Variants in ACAN observed in about 807,000 individuals in gnomAD.
ACAN encodes aggrecan core protein.
ACAN carries 47 observed loss-of-function variants against 169.1 expected under a neutral mutation model. The observed-to-expected ratio is 0.28, with a 90% CI of 0.22 to 0.35. The LOEUF (loss-of-function observed/expected upper bound fraction) is 0.35, where lower values mean the gene tolerates loss of function less well. Among genes scored for constraint, ACAN ranks in the 10% least tolerant of loss-of-function variants. The pLI is 1.00. For missense variants in ACAN, 2,716 were observed against 2,759.9 expected (o/e 0.98, Z 0.36); for synonymous variants, 1,115 against 1,112.2 (o/e 1.00, Z -0.05).
At position 88,873,627 on chromosome 15, in the gene ACAN, C is replaced by T. The variant is rs908611859; in HGVS notation, c.7448-215C>T. 3.8e-5 allele frequency: 22 copies of T among 584,798 alleles called. No individual in the cohort carries two copies. The highest frequency in any genetic ancestry group is 9.0e-5 in the Admixed American group (3 of 33,490). The allele number at this position is 584,798 out of a possible 1,614,324, so 36.2% of individuals were successfully genotyped here. On this transcript the variant is annotated intron_variant, in intron 17 of 18. Transcript: ENST00000560601. The surrounding 1 kb of genome is among the most constrained non-coding windows in gnomAD (Gnocchi z 7.5). ...CATCTTCTCTTCATCCCTTTAAAGA[C>T]CACCCCGTTTGTATTCCCTTCCTGC... is the stretch of plus-strand genomic sequence containing the variant.
In ACAN at chr15:88,851,765, C is replaced by G; in HGVS notation, c.2027-29C>G. The G allele has an allele frequency of 1.9e-6, 3 of 1,540,802 alleles. No homozygotes were observed. Among genetic ancestry groups the G allele is most frequent in the Non-Finnish European group, 2.6e-6 (3 of 1,141,728 alleles). ...GGACGGGTCACTGGTAAGAGAGGGA[C>G]TCACTCTGACCACCCACATCTCCTT... On this transcript the variant is annotated intron_variant, in intron 10 of 18. Coordinates refer to ENST00000560601, the MANE Select transcript of ACAN (RefSeq NM_001369268.1). This position sits in a 1 kb window ranked among gnomAD's most constrained non-coding sequence, Gnocchi z 4.3.
At chr15:88,827,351 G>A (rs1459925833) in intron 1 of ACAN, among the ~76,000 whole-genome samples, 4 of 152,222 alleles carry the variant, frequency 2.6e-5, no homozygotes, top group Non-Finnish European at 5.9e-5. Flanking sequence ...GGGGTGGGGG[G>A]CCCCATTGTT....
At chr15:88,864,850 T>G (rs8024016) in intron 13 of ACAN, among the ~76,000 whole-genome samples, 9,143 of 152,284 alleles carry the variant, frequency 0.06, 453 homozygotes, top group African/African-American at 0.13. Context: ...CTTGAGGAGT[T>G]CCATTCATAT....
Position 88,871,657 on chromosome 15 carries a change from G to A in ACAN, c.7219+117G>A, listed in dbSNP as rs1242541482. The stretch of plus-strand genomic sequence containing the variant: ...TGAGACTGCAGGACAGGGACCTGGG[G>A]GAGGGGGAACAGTGTTCCCACAGTC... On this transcript the variant is annotated intron_variant, in intron 15 of 18. Transcript: ENST00000560601. The surrounding 1 kb of genome is among the most constrained non-coding windows in gnomAD (Gnocchi z 7.8). The A allele has an allele frequency of 5.2e-6, 7 of 1,353,658 alleles. No individual in the cohort carries two copies. The highest frequency in any genetic ancestry group is 7.0e-6 in the Non-Finnish European group (7 of 1,007,094). 83.9% of individuals were successfully genotyped at this position (1,353,658 alleles called of 1,614,324 possible).
chr15:88,843,251 T>C lies in ACAN; in HGVS notation c.758-104T>C. On this transcript the variant is annotated intron_variant, in intron 5 of 18. Transcript: ENST00000560601. The surrounding 1 kb of genome is among the most constrained non-coding windows in gnomAD (Gnocchi z 4.0). ...ATATGGGACCAGGACTTTGGGAAGT[T>C]AAAGGACTCCCAAGACCTCGTGGAA... The C allele has an allele frequency of 8.7e-7, 1 of 1,146,112 alleles. No individual in the cohort carries two copies. Among genetic ancestry groups the C allele is most frequent in the Non-Finnish European group, 1.2e-6 (1 of 832,378 alleles). The allele number at this position is 1,146,112 out of a possible 1,614,324, so 71.0% of individuals were successfully genotyped here. A position where few individuals can be genotyped will look rare whatever the true frequency, so the allele number is the denominator to read the frequency against.
In ACAN at chr15:88,857,988, G is replaced by A; in HGVS notation, c.5403G>A (p.Gly1801=). Residue 1801 remains glycine, a synonymous_variant, in exon 12 of 19, where the codon GGG becomes GGA. Transcript: ENST00000560601. The part of the protein sequence containing the change: ...GVPDLSGQPS[G]LPGFSGATSG... ...CTGATCTCAGTGGGCAGCCTTCAGG[G>A]TTACCAGGGTTCAGTGGGGCAACAT... 1.2e-6 allele frequency: 2 copies of A among 1,613,942 alleles called. No individual in the cohort carries two copies. Among genetic ancestry groups the A allele is most frequent in the Non-Finnish European group, 1.7e-6 (2 of 1,179,892 alleles).
At position 88,857,267 on chromosome 15, in the gene ACAN, A is replaced by C; in HGVS notation, c.4682A>C (p.Glu1561Ala). 6.2e-7 allele frequency: 1 copy of C among 1,612,880 alleles called. No homozygotes were observed. The highest frequency in any genetic ancestry group is 8.5e-7 in the Non-Finnish European group (1 of 1,179,640). ...GAAGGTCTAGAGACCTCTGCTTCTGAAGTAGGGACTGACCTCAGTGGGCTT... is the reference window on the plus strand; with the variant it reads ...GAAGGTCTAGAGACCTCTGCTTCTGCAGTAGGGACTGACCTCAGTGGGCTT... ...GGEGLETSAS[E>A]VGTDLSGLPS... The change falls in exon 12 of 19, where the codon GAA (glutamate) becomes GCA (alanine). Residue 1561 changes from glutamate (E) to alanine (A), a missense_variant. By Grantham distance (107) the Glu-to-Ala change is moderately radical. This residue lies in a region of ACAN where 1,389 missense variants were observed against 1,363.7 expected (regional missense o/e 1.02). Transcript: ENST00000560601.
chr15:88,852,276 A>G (rs998999461), intron 11 of ACAN, among the ~76,000 whole-genome samples: 1 of 152,128 alleles, frequency 6.6e-6, no homozygotes, highest in African/African-American at 2.4e-5. Flanking sequence ...ACTTTTCTGG[A>G]CCTTATTTCC....
intron 5 of ACAN, among the ~76,000 whole-genome samples, chr15:88,842,995 AG>A (rs1896703164): frequency 6.6e-6 from 1 of 152,204 alleles, no homozygotes; most frequent in African/African-American, 2.4e-5. Flanking sequence ...ATTTGCCTTG[AG>A]TAGGCAATGC....
intron 1 of ACAN, among the ~76,000 whole-genome samples, chr15:88,824,328 AAAC>A (rs1189910937): frequency 4.2e-5 from 6 of 143,350 alleles, no homozygotes; most frequent in South Asian, 4.3e-4. Flanking sequence ...TCAAAAAAAA[AAAC>A]AACAACAACA....
chr15:88,873,743 T>C lies in ACAN; in HGVS notation c.7448-99T>C. On this transcript the variant is annotated intron_variant, in intron 17 of 18. Coordinates refer to ENST00000560601, the MANE Select transcript of ACAN (RefSeq NM_001369268.1). The surrounding 1 kb of genome is among the most constrained non-coding windows in gnomAD (Gnocchi z 7.5). ...AAAACGTCCAGGGCTCACTGTCAGA[T>C]GTTGAGGCTGTGTCCCCCACAGTGC... is the stretch of plus-strand genomic sequence containing the variant. 7.8e-7 allele frequency: 1 copy of C among 1,277,528 alleles called. No homozygotes were observed. Among genetic ancestry groups the C allele is most frequent in the Non-Finnish European group, 1.1e-6 (1 of 916,870 alleles). 79.1% of individuals were successfully genotyped at this position (1,277,528 alleles called of 1,614,324 possible).
In ACAN at chr15:88,840,203, C is replaced by A; in HGVS notation, c.629+17C>A. 6.4e-7 allele frequency: 1 copy of A among 1,573,240 alleles called. No individual in the cohort carries two copies. Among genetic ancestry groups the A allele is most frequent in the Non-Finnish European group, 8.6e-7 (1 of 1,162,044 alleles). ...GACTGTCAGGTGAGCCCTAGCCCAT[C>A]AGCTAGTGGGGGCCAGGAGTCAGCA... On this transcript the variant is annotated intron_variant, in intron 4 of 18. Transcript: ENST00000560601.
intron 1 of ACAN, among the ~76,000 whole-genome samples, chr15:88,835,925 C>A (rs1896491508): frequency 1.3e-5 from 2 of 152,228 alleles, no homozygotes; most frequent in South Asian, 4.1e-4. Flanking sequence ...TTAACCATCA[C>A]AGGAACTCAT....
At chr15:88,815,327 G>A (rs1895911594) in intron 1 of ACAN, among the ~76,000 whole-genome samples, 1 of 152,074 alleles carries the variant, frequency 6.6e-6, no homozygotes, top group African/African-American at 2.4e-5. Flanking sequence ...GAGAGGCCGA[G>A]GTGGGAGGAT....
At chr15:88,819,415 C>T (rs112255692) in intron 1 of ACAN, among the ~76,000 whole-genome samples, 2,452 of 152,068 alleles carry the variant, frequency 0.016, 61 homozygotes, top group African/African-American at 0.057. Context: ...GTGGAGAACC[C>T]GTCTGTAGCA....
At chr15:88,825,255 TC>T (rs1896184550) in intron 1 of ACAN, among the ~76,000 whole-genome samples, 3 of 152,004 alleles carry the variant, frequency 2.0e-5, no homozygotes, top group Admixed American at 2.0e-4. Context: ...TCCCTTTTGC[TC>T]CCACCCCCTC....
chr15:88,838,778 C>A lies in ACAN; in HGVS notation c.186C>A (p.Thr62=). 6.2e-7 allele frequency: 1 copy of A among 1,613,966 alleles called. No individual in the cohort carries two copies. Among genetic ancestry groups the A allele is most frequent in the Non-Finnish European group, 8.5e-7 (1 of 1,179,880 alleles). The change falls in exon 3 of 19, where the codon ACC becomes ACA. Residue 62 remains threonine, a synonymous_variant. Coordinates refer to ENST00000560601, the MANE Select transcript of ACAN (RefSeq NM_001369268.1). This position sits in a 1 kb window ranked among gnomAD's most constrained non-coding sequence, Gnocchi z 5.1. ...TCGACCCCATGCACCCTGTGACCAC[C>A]GCCCCTTCTACCGCCCCACTGGCCC... is the stretch of plus-strand genomic sequence containing the variant. ...YFIDPMHPVT[T]APSTAPLAPR... is the part of the protein sequence containing the mutation.
In ACAN at chr15:88,851,841, A is replaced by C. The variant is rs773102587; in HGVS notation, c.2074A>C (p.Thr692Pro). Residue 692 changes from threonine to proline, a missense_variant, in exon 11 of 19, where the codon ACA becomes CCA. Coordinates refer to ENST00000560601, the MANE Select transcript of ACAN (RefSeq NM_001369268.1). This position sits in a 1 kb window ranked among gnomAD's most constrained non-coding sequence, Gnocchi z 4.3. ...SPGEEEGGTP[T>P]SPSGVEEWIV... Reference sequence around the variant, plus strand: ...AGGAGAAGAAGAGGGTGGCACACCCACATCACCCTCTGGTGTGGAGGAGTG... The same window carrying C: ...AGGAGAAGAAGAGGGTGGCACACCCCCATCACCCTCTGGTGTGGAGGAGTG... The C allele has an allele frequency of 2.5e-6, 4 of 1,610,710 alleles. No homozygotes were observed. The East Asian group carries it at 6.7e-5, about 27-fold the overall frequency.
chr15:88,821,274 G>T (rs918750898), intron 1 of ACAN, among the ~76,000 whole-genome samples: 1 of 152,114 alleles, frequency 6.6e-6, no homozygotes, highest in African/African-American at 2.4e-5. Flanking sequence ...CGAGTAGCTG[G>T]AACCACAGTT....
Sources: allele counts gnomAD v4.1 joint callset (sites outside exome capture counted in the v4.1 genomes callset), GRCh38; gene constraint gnomAD v4.1.1; regional missense constraint gnomAD v4.1.1; non-coding constraint Gnocchi (gnomAD v3.1); transcripts MANE v1.5; gene names NCBI Gene and HGNC (gene_info 2026-07-23, HGNC 2026-07-21).